The following IQSEC3 variants were observed in gnomAD, a reference collection of about 807,000 sequenced individuals.
IQSEC3 encodes the protein IQ motif and Sec7 domain ArfGEF 3.
In IQSEC3, 50 loss-of-function variants were observed where a neutral mutation model predicts 105.4. That is an observed-to-expected ratio of 0.47 (90% CI 0.38 to 0.60). IQSEC3 has a LOEUF of 0.60. Ranked by LOEUF, IQSEC3 falls within the 20% of genes least tolerant of loss-of-function variation. The probability of loss-of-function intolerance (pLI) is 0.00; values close to 1 mark genes in which losing one functional copy is unlikely to be tolerated. For missense variants in IQSEC3, 1,415 were observed against 1,630.0 expected, an observed-to-expected ratio of 0.87 and a Z score of 2.27; for synonymous variants, 708 against 746.0, an observed-to-expected ratio of 0.95 and a Z score of 0.83.
intron 2 of IQSEC3, among the ~76,000 whole-genome samples, chr12:112,848 C>T (rs1864937087): frequency 6.6e-6 from 1 of 152,132 alleles, no homozygotes; most frequent in Admixed American, 6.5e-5. Flanking sequence ...GGGAAGCCCT[C>T]TGTAGGCCTG....
In IQSEC3 at chr12:105,832, G is replaced by C. The variant is rs558378461; in HGVS notation, c.623+6618G>C. Among the ~76,000 whole-genome samples, 34 of 152,326 alleles carry C rather than the reference G, an allele frequency of 2.2e-4. No homozygotes were observed. The South Asian group carries it at 6.8e-3, about 31-fold the overall frequency. ...GCTATTTGCCCAGGCCAATTTCCTTGTGTAATTTTCCCTGCCAGGCCTTGA... is the reference window on the plus strand; with the variant it reads ...GCTATTTGCCCAGGCCAATTTCCTTCTGTAATTTTCCCTGCCAGGCCTTGA... On this transcript the variant is annotated intron_variant, in intron 2 of 13. Transcript: ENST00000538872.
chr12:103,890 GA>G lies in IQSEC3; in HGVS notation c.623+4677del, dbSNP rs1483298106. On this transcript the variant is annotated intron_variant, in intron 2 of 13. Coordinates refer to ENST00000538872, the MANE Select transcript of IQSEC3 (RefSeq NM_001170738.2). The stretch of plus-strand genomic sequence containing the variant: ...CTCGGGAGGGGAGGCGGGGGCTCGG[GA>G]GGGGAGGCGGGGCTCAGGAGGGGGA... Among the ~76,000 whole-genome samples the G allele has an allele frequency of 1.1e-3, 100 of 92,404 alleles. 4 individuals are homozygous for G. The highest frequency in any genetic ancestry group is 4.2e-3 in the African/African-American group (82 of 19,700). 60.6% of individuals were successfully genotyped at this position (92,404 alleles called of 152,430 possible).
chr12:139,365 C>T lies in IQSEC3; in HGVS notation c.1991+11C>T. The stretch of plus-strand genomic sequence containing the variant: ...CAACCTCTTCAACATGTAAGTCAGC[C>T]CCGGCCCCCAGCCCGGAGTCCTGGG... On this transcript the variant is annotated intron_variant, in intron 4 of 13. Coordinates refer to ENST00000538872, the MANE Select transcript of IQSEC3 (RefSeq NM_001170738.2). The T allele has an allele frequency of 1.3e-6, 2 of 1,531,638 alleles. No individual in the cohort carries two copies. Among genetic ancestry groups the T allele is most frequent in the Non-Finnish European group, 1.8e-6 (2 of 1,132,784 alleles). The allele number at this position is 1,531,638 out of a possible 1,614,324, so 94.9% of individuals were successfully genotyped here. A position where few individuals can be genotyped will look rare whatever the true frequency, so the allele number is the denominator to read the frequency against.
chr12:120,213 G>A (rs1555081619), intron 2 of IQSEC3, among the ~76,000 whole-genome samples: 1 of 152,212 alleles, frequency 6.6e-6, no homozygotes, highest in African/African-American at 2.4e-5. Flanking sequence ...AGGAGGGTGG[G>A]ACTGACTCCT....
In IQSEC3 at chr12:139,205, G is replaced by C; in HGVS notation, c.1842G>C (p.Ser614=). 1.9e-6 allele frequency: 3 copies of C among 1,592,410 alleles called. No homozygotes were observed. The highest frequency in any genetic ancestry group is 1.1e-5 in the South Asian group (1 of 88,586). ...CCGCCAAGTCAGGCTCGGAGGCGTC[G>C]GCCTCCGCCTCCAAGGACGCCCTGC... ...TKSAKSGSEA[S]ASASKDALQA... Residue 614 remains serine (S), a synonymous_variant, in exon 4 of 14, where the codon TCG becomes TCC. Transcript: ENST00000538872.
chr12:97,179 A>G (rs1864265762), intron 1 of IQSEC3, among the ~76,000 whole-genome samples: 1 of 152,212 alleles, frequency 6.6e-6, no homozygotes, highest in Non-Finnish European at 1.5e-5. Flanking sequence ...TGCTATTCCT[A>G]TGCTTTGGCT....
chr12:99,356 A>G, intron 2 of IQSEC3, 142 bp downstream of exon 2: 1 of 764,432 alleles, frequency 1.3e-6, no homozygotes, highest in South Asian at 1.8e-5. Flanking sequence ...CTCCTTCCTC[A>G]GACTTCAGTT....
At chr12:128,195 TC>T (rs1460556939) in intron 3 of IQSEC3, among the ~76,000 whole-genome samples, 1 of 151,708 alleles carries the variant, frequency 6.6e-6, no homozygotes, top group Non-Finnish European at 1.5e-5. Context: ...CTCTCAGTCA[TC>T]CCACAGGGCC....
intron 4 of IQSEC3, 49 bp downstream of exon 4, chr12:139,403 G>A: frequency 6.9e-7 from 1 of 1,439,954 alleles, no homozygotes; most frequent in Non-Finnish European, 9.3e-7. Flanking sequence ...TCCTGGGAGG[G>A]AGGGAAGGAG....
At chr12:80,332 C>T (rs1393696954) in intron 1 of IQSEC3, among the ~76,000 whole-genome samples, 2 of 152,196 alleles carry the variant, frequency 1.3e-5, no homozygotes, top group African/African-American at 4.8e-5. Context: ...GGGGAGCCAT[C>T]AGGGTGTTAG....
intron 13 of IQSEC3, among the ~76,000 whole-genome samples, chr12:174,005 G>A (rs1939141715): frequency 6.6e-6 from 1 of 152,206 alleles, no homozygotes; most frequent in African/African-American, 2.4e-5. Flanking sequence ...CTCTGCCCTC[G>A]GCTGTCTGGG....
chr12:120,239 G>T (rs980438644), intron 2 of IQSEC3, among the ~76,000 whole-genome samples: 7 of 152,194 alleles, frequency 4.6e-5, no homozygotes, highest in African/African-American at 1.2e-4. Context: ...GGAAGTGAGC[G>T]ATTCCTGAAA....
intron 1 of IQSEC3, among the ~76,000 whole-genome samples, chr12:72,810 T>C (rs1464711346): frequency 8.8e-6 from 1 of 113,308 alleles, no homozygotes; most frequent in East Asian, 2.2e-4. Context: ...TTTGGGAGGC[T>C]GAGGCGGGCA....
At chr12:161,323 T>G (rs1555096134) in intron 7 of IQSEC3, among the ~76,000 whole-genome samples, 8 of 152,228 alleles carry the variant, frequency 5.3e-5, no homozygotes, top group Non-Finnish European at 1.2e-4. Context: ...AGTGTTTTTT[T>G]GTTGCCCGAG....
intron 7 of IQSEC3, among the ~76,000 whole-genome samples, chr12:158,550 G>A (rs1273019921): frequency 1.3e-5 from 2 of 152,114 alleles, no homozygotes; most frequent in African/African-American, 2.4e-5. Context: ...CAATGCCTTC[G>A]CCCAAGAGTA....
chr12:97,566 G>C (rs189733284), intron 1 of IQSEC3, among the ~76,000 whole-genome samples: 103 of 152,326 alleles, frequency 6.8e-4, no homozygotes, highest in South Asian at 1.4e-3. Flanking sequence ...TGTAATCCCA[G>C]TGCTTTAGGA....
At chr12:130,827 C>G (rs1007006984) in intron 3 of IQSEC3, among the ~76,000 whole-genome samples, 1 of 152,240 alleles carries the variant, frequency 6.6e-6, no homozygotes, top group Admixed American at 6.5e-5. Flanking sequence ...TCTGAACACC[C>G]CCAAAGCACC....
chr12:178,255 T>A lies in IQSEC3; in HGVS notation c.*3222T>A, dbSNP rs867356713. On this transcript the variant is annotated 3_prime_UTR_variant, in exon 14 of 14. Transcript: ENST00000538872. ...GACCATCTGTCTGTCCGTCCCTGTT[T>A]TTGCTGTACATAACTCCTGCTGCAC... The A allele has an allele frequency of 2.0e-5, 3 of 152,154 alleles. No individual in the cohort carries two copies. The highest frequency in any genetic ancestry group is 2.9e-5 in the Non-Finnish European group (2 of 68,068). The allele number at this position is 152,154 out of a possible 1,614,324, so 9.4% of individuals were successfully genotyped here.
At chr12:147,790 A>C (rs1866339204) in intron 5 of IQSEC3, 1 of 152,128 alleles carries the variant, frequency 6.6e-6, no homozygotes, top group African/African-American at 2.4e-5. Context: ...CGATCCTCTC[A>C]ATTTGGGAAG....
Sources: allele counts gnomAD v4.1 joint callset (sites outside exome capture counted in the v4.1 genomes callset), GRCh38; gene constraint gnomAD v4.1.1; transcripts MANE v1.5; gene names NCBI Gene and HGNC (gene_info 2026-07-23, HGNC 2026-07-21).